Variants in CAPRIN2 observed in about 807,000 individuals in gnomAD.
CAPRIN2 encodes caprin family member 2, also known as caprin-2.
In CAPRIN2, 66 loss-of-function variants were observed where a neutral mutation model predicts 130.4. That is an observed-to-expected ratio of 0.51 (90% CI 0.42 to 0.62). The LOEUF (loss-of-function observed/expected upper bound fraction) is 0.62. Among genes scored for constraint, CAPRIN2 ranks in the 20% least tolerant of loss-of-function variants. CAPRIN2 has a pLI of 0.00. For missense variants in CAPRIN2, 1,185 were observed against 1,246.6 expected (o/e 0.95, Z 0.74); for synonymous variants, 471 against 444.1 (o/e 1.06, Z -0.76).
chr12:30,714,873 G>C, intron 14 of CAPRIN2, 86 bp downstream of exon 16: 1 of 1,074,474 alleles, frequency 9.3e-7, no homozygotes, highest in Non-Finnish European at 1.4e-6. Context: ...ATGACAAAAG[G>C]GAGCAAGGTT....
At chr12:30,726,072 T>C (rs1439155734) in exon 9 of CAPRIN2, 6 of 1,573,148 alleles carry the variant, frequency 3.8e-6, no homozygotes, top group Non-Finnish European at 5.2e-6. Flanking sequence ...TACAGGCTGA[T>C]GCACAGGCTT....
At chr12:30,745,473 C>G (rs2069609631) in intron 2 of CAPRIN2, among the ~76,000 whole-genome samples, 1 of 152,044 alleles carries the variant, frequency 6.6e-6, no homozygotes, top group East Asian at 1.9e-4. Context: ...TGACAGATCC[C>G]TTAAGAGTTA....
At chr12:30,725,840 TAGGAGAG>T in intron 9 of CAPRIN2, 119 bp downstream of exon 10, 2 of 708,228 alleles carry the variant, frequency 2.8e-6, no homozygotes, top group Non-Finnish European at 4.0e-6. Flanking sequence ...AACTCCAGGC[TAGGAGAG>T]CTAGGAGGCA....
chr12:30,719,308 G>C (rs748580802), intron 12 of CAPRIN2, 83 bp from the exon 14 acceptor site: 11 of 1,488,338 alleles, frequency 7.4e-6, no homozygotes, highest in African/African-American at 1.4e-5. Flanking sequence ...ACTGGCATAA[G>C]TCAGCAAGTT....
At chr12:30,743,659 T>C (rs1451232775) in intron 2 of CAPRIN2, among the ~76,000 whole-genome samples, 1 of 152,134 alleles carries the variant, frequency 6.6e-6, no homozygotes, top group African/African-American at 2.4e-5. Context: ...ATAGGAGTAA[T>C]AGAACCTACC....
chr12:30,737,566 A>T (rs1565659302), intron 3 of CAPRIN2, among the ~76,000 whole-genome samples: 1 of 151,698 alleles, frequency 6.6e-6, no homozygotes, highest in South Asian at 2.1e-4. Flanking sequence ...AACCACTCTC[A>T]ATCAGTAGTA....
In CAPRIN2 at chr12:30,731,529, G is replaced by T. The variant is rs774839850; in HGVS notation, c.893-19C>A. 4 of 1,596,702 alleles carry T rather than the reference G, an allele frequency of 2.5e-6. No homozygotes were observed. The highest frequency in any genetic ancestry group is 3.4e-6 in the Non-Finnish European group (4 of 1,169,574). ...TGTTTGTCTAAGAAAGAGTGATTAA[G>T]ACTTAATTGTCACATGACCTAATTG... is the stretch of plus-strand genomic sequence containing the variant. On this transcript the variant is annotated intron_variant, in intron 5 of 16. Transcript: ENST00000298892.
Position 30,710,609 on chromosome 12 carries a change from T to A in CAPRIN2, c.2666-139A>T. 1 of 1,305,636 alleles carries A rather than the reference T, an allele frequency of 7.7e-7. No individual in the cohort carries two copies. The highest frequency in any genetic ancestry group is 2.5e-5 in the East Asian group (1 of 40,330). The allele number at this position is 1,305,636 out of a possible 1,614,324, so 80.9% of individuals were successfully genotyped here. A position where few individuals can be genotyped will look rare whatever the true frequency, so the allele number is the denominator to read the frequency against. On this transcript the variant is annotated intron_variant, in intron 16 of 16. Coordinates refer to ENST00000298892, the Ensembl canonical transcript of CAPRIN2. The surrounding 1 kb of genome is among the most constrained non-coding windows in gnomAD (Gnocchi z 4.8). ...AAACAAAAGCAATATATAGCTAGAT[T>A]ATACTTTTCTAGATTTTTCTGGTAA...
exon 13 of CAPRIN2, chr12:30,716,600 T>C (rs769682193): frequency 1.2e-6 from 2 of 1,614,076 alleles, no homozygotes; most frequent in East Asian, 2.2e-5. Context: ...AAAACTTTGA[T>C]TGTAGCCAGG....
intron 14 of CAPRIN2, 71 bp downstream of exon 16, chr12:30,714,888 A>G: frequency 7.8e-7 from 1 of 1,281,584 alleles, no homozygotes; most frequent in South Asian, 1.4e-5. Context: ...AAGGTTAGGT[A>G]AAAATGGTGT....
upstream of CAPRIN2, chr12:30,754,649 C>A: frequency 6.5e-6 from 1 of 152,714 alleles, no homozygotes; most frequent in South Asian, 1.9e-4. Context: ...CAAGCCGCCC[C>A]TCCACCTCGC....
At chr12:30,730,148 G>T in intron 7 of CAPRIN2, 91 bp downstream of exon 8, 1 of 1,032,168 alleles carries the variant, frequency 9.7e-7, no homozygotes, top group Non-Finnish European at 1.5e-6. Context: ...TCAAGCTCAG[G>T]CAGTCTGGCT....
chr12:30,735,055 T>C (rs766454444), exon 4 of CAPRIN2: 4 of 1,614,214 alleles, frequency 2.5e-6, no homozygotes, highest in Admixed American at 1.7e-5. Flanking sequence ...CACTGCACCA[T>C]TCAAACCCCC....
chr12:30,725,075 T>C (rs2060505238), intron 9 of CAPRIN2, among the ~76,000 whole-genome samples: 1 of 152,186 alleles, frequency 6.6e-6, no homozygotes, highest in African/African-American at 2.4e-5. Context: ...ACTAAGGTCC[T>C]AAACATAGCC....
exon 14 of CAPRIN2, chr12:30,715,064 G>A (rs747560739): frequency 2.5e-6 from 4 of 1,613,954 alleles, no homozygotes; most frequent in Non-Finnish European, 3.4e-6. Context: ...GTAGGTCTGG[G>A]AAACACATTC....
rs77920362 is a variant in CAPRIN2 at position 30,738,253 on chromosome 12, G to A, written c.570+2767C>T. On this transcript the variant is annotated intron_variant, in intron 3 of 16. Coordinates refer to ENST00000298892, the Ensembl canonical transcript of CAPRIN2. Reference sequence around the variant, plus strand: ...ACAGGCAAGTAAAAATAATTTCATGGATATTAACAAAATTTGGTGAGTTGG... The same window carrying A: ...ACAGGCAAGTAAAAATAATTTCATGAATATTAACAAAATTTGGTGAGTTGG... Among the ~76,000 whole-genome samples the A allele has an allele frequency of 2.0e-3, 299 of 151,686 alleles. 1 individual carries two copies. Among genetic ancestry groups the A allele is most frequent in the African/African-American group, 6.8e-3 (282 of 41,334 alleles).
chr12:30,738,680 G>C (rs1016832248), intron 3 of CAPRIN2, among the ~76,000 whole-genome samples: 1 of 152,060 alleles, frequency 6.6e-6, no homozygotes, highest in Non-Finnish European at 1.5e-5. Flanking sequence ...CTAATATCCA[G>C]TATCTATAAG....
chr12:30,751,108 C>A, exon 2 of CAPRIN2: 1 of 1,613,820 alleles, frequency 6.2e-7, no homozygotes, highest in Non-Finnish European at 8.5e-7. Flanking sequence ...ACTTTTCAGG[C>A]GATCCTTATA....
At chr12:30,741,334 T>C (rs538331497) in intron 2 of CAPRIN2, among the ~76,000 whole-genome samples, 1 of 152,240 alleles carries the variant, frequency 6.6e-6, no homozygotes, top group Non-Finnish European at 1.5e-5. Context: ...ATTTTTATAT[T>C]AGAAATATGA....
Sources: allele counts gnomAD v4.1 joint callset (sites outside exome capture counted in the v4.1 genomes callset), GRCh38; gene constraint gnomAD v4.1.1; non-coding constraint Gnocchi (gnomAD v3.1); transcripts MANE v1.5; gene names NCBI Gene and HGNC (gene_info 2026-07-23, HGNC 2026-07-21).